The following ARHGAP31 variants were observed in gnomAD, a reference collection of about 807,000 sequenced individuals.
ARHGAP31 encodes rho GTPase-activating protein 31.
Under a neutral mutation model 113.9 loss-of-function variants are expected in ARHGAP31, and 34 were observed. That is an observed-to-expected ratio of 0.30 (90% confidence interval 0.23 to 0.40). The LOEUF (loss-of-function observed/expected upper bound fraction) is 0.40. Among genes scored for constraint, ARHGAP31 ranks in the 10% least tolerant of loss-of-function variants. The pLI, the probability that ARHGAP31 is intolerant of heterozygous loss-of-function variation, is 1.00. For synonymous variants in ARHGAP31, 650 were observed against 684.8 expected, an observed-to-expected ratio of 0.95 and a Z score of 0.79; for missense variants, 1,548 against 1,767.1, an observed-to-expected ratio of 0.88 and a Z score of 2.22.
chr3:119,390,947 C>T lies in ARHGAP31; in HGVS notation c.845C>T (p.Thr282Ile), dbSNP rs749949250. The T allele has an allele frequency of 8.7e-6, 14 of 1,614,174 alleles. No homozygotes were observed. Among genetic ancestry groups the T allele is most frequent in the Non-Finnish European group, 1.0e-5 (12 of 1,180,030 alleles). Residue 282 changes from threonine (T) to isoleucine (I), a missense_variant, in exon 7 of 12, where the codon ACC becomes ATC. Transcript: ENST00000264245. ...SLPEIVPPMG[T>I]LFHTVLELPD... ...CCTGAGATTGTCCCTCCCATGGGCA[C>T]CCTCTTCCACACTGTCCTTGAGTTA...
At chr3:119,333,582 T>G (rs1011011153) in intron 1 of ARHGAP31, among the ~76,000 whole-genome samples, 3 of 152,226 alleles carry the variant, frequency 2.0e-5, no homozygotes, top group Non-Finnish European at 4.4e-5. Context: ...TAGCTTAGAT[T>G]TGTGTAGCAC....
intron 1 of ARHGAP31, among the ~76,000 whole-genome samples, chr3:119,337,116 T>A (rs1312848878): frequency 1.3e-5 from 2 of 152,204 alleles, no homozygotes; most frequent in African/African-American, 4.8e-5. Flanking sequence ...GTGTCCAGAA[T>A]TGGTGAGCTC....
At chr3:119,341,015 TG>T (rs2080003257) in intron 1 of ARHGAP31, among the ~76,000 whole-genome samples, 2 of 152,184 alleles carry the variant, frequency 1.3e-5, no homozygotes, top group African/African-American at 4.8e-5. Flanking sequence ...GGAAACATCA[TG>T]GGATTTTTTT....
intron 1 of ARHGAP31, among the ~76,000 whole-genome samples, chr3:119,313,182 G>A (rs1373813951): frequency 1.3e-5 from 2 of 152,148 alleles, no homozygotes; most frequent in African/African-American, 4.8e-5. Flanking sequence ...ACTCTAAAGA[G>A]TATAGTAAAA....
chr3:119,338,688 G>A (rs1213585067), intron 1 of ARHGAP31, among the ~76,000 whole-genome samples: 1 of 152,116 alleles, frequency 6.6e-6, no homozygotes, highest in Non-Finnish European at 1.5e-5. Flanking sequence ...TTCAAGTTAA[G>A]CTTGGAAAGA....
intron 3 of ARHGAP31, among the ~76,000 whole-genome samples, chr3:119,370,599 C>T (rs1453096558): frequency 6.6e-6 from 1 of 152,162 alleles, no homozygotes; most frequent in Non-Finnish European, 1.5e-5. Flanking sequence ...CACACACTCA[C>T]ACACACTCAC....
chr3:119,381,268 C>T (rs1026706541), intron 4 of ARHGAP31, among the ~76,000 whole-genome samples: 2 of 152,160 alleles, frequency 1.3e-5, no homozygotes, highest in Non-Finnish European at 2.9e-5. Flanking sequence ...CTCTTGGTGG[C>T]ATTCTTGGTT....
chr3:119,368,546 T>G lies in ARHGAP31; in HGVS notation c.348+30T>G. 1.9e-6 allele frequency: 3 copies of G among 1,613,716 alleles called. No homozygotes were observed. In the South Asian group the frequency reaches 3.3e-5, roughly 18 times the overall value. ...GTGTTTGGATTTCCATTATGGTTACTGGGTGGGATGCATGGATGGGCCAAG... is the reference window on the plus strand; with the variant it reads ...GTGTTTGGATTTCCATTATGGTTACGGGGTGGGATGCATGGATGGGCCAAG... On this transcript the variant is annotated intron_variant, in intron 3 of 11. Transcript: ENST00000264245.
chr3:119,413,808 A>C (rs757952631), intron 11 of ARHGAP31, 48 bp from the exon 12 acceptor site: 29 of 1,613,896 alleles, frequency 1.8e-5, no homozygotes, highest in Non-Finnish European at 2.5e-5. Context: ...TGATGTCAGC[A>C]CCCAGAGTAC....
Position 119,301,233 on chromosome 3 carries a change from C to T in ARHGAP31, c.100+6229C>T, listed in dbSNP as rs141385603. Among the ~76,000 whole-genome samples, 798 of 152,308 alleles carry T rather than the reference C, an allele frequency of 5.2e-3. 3 individuals carry two copies. Among genetic ancestry groups the T allele is most frequent in the Non-Finnish European group, 9.1e-3 (618 of 68,028 alleles). On this transcript the variant is annotated intron_variant, in intron 1 of 11. Transcript: ENST00000264245. ...CACCCTTTCTCCTCCCCTTTCTACC[C>T]GCACTGGCCGCCATCCAGATGCCTT...
At chr3:119,332,265 T>G (rs1390799997) in intron 1 of ARHGAP31, among the ~76,000 whole-genome samples, 3 of 152,012 alleles carry the variant, frequency 2.0e-5, no homozygotes, top group Non-Finnish European at 4.4e-5. Context: ...AATGGCATGA[T>G]CTCGGCTCAC....
chr3:119,313,027 A>G lies in ARHGAP31; in HGVS notation c.100+18023A>G, dbSNP rs545290665. ...ATATGCTATTTTCAAGTGAGAGTAGACCTTGGCCAACTACCCATTTTGTAA... is the reference window on the plus strand; with the variant it reads ...ATATGCTATTTTCAAGTGAGAGTAGGCCTTGGCCAACTACCCATTTTGTAA... On this transcript the variant is annotated intron_variant, in intron 1 of 11. Coordinates refer to ENST00000264245, the MANE Select transcript of ARHGAP31 (RefSeq NM_020754.4). Among the ~76,000 whole-genome samples, 5 of 152,298 alleles carry G rather than the reference A, an allele frequency of 3.3e-5. No homozygotes were observed. The South Asian group carries it at 8.3e-4, about 25-fold the overall frequency.
At chr3:119,316,132 T>TA (rs1233137778) in intron 1 of ARHGAP31, among the ~76,000 whole-genome samples, 1 of 152,182 alleles carries the variant, frequency 6.6e-6, no homozygotes, top group East Asian at 1.9e-4. Context: ...AACTGTGTAT[T>TA]AGTCATGTGA....
At chr3:119,383,741 C>A (rs558339907) in intron 6 of ARHGAP31, among the ~76,000 whole-genome samples, 1 of 152,120 alleles carries the variant, frequency 6.6e-6, no homozygotes, top group African/African-American at 2.4e-5. Flanking sequence ...CTTTGTTCTG[C>A]GCTATGCCAG....
chr3:119,354,449 A>G (rs993899484), intron 1 of ARHGAP31, among the ~76,000 whole-genome samples: 1 of 151,454 alleles, frequency 6.6e-6, no homozygotes, highest in Non-Finnish European at 1.5e-5. Context: ...AGTAACTACT[A>G]TTAACATTTC....
intron 1 of ARHGAP31, among the ~76,000 whole-genome samples, chr3:119,362,107 A>G (rs1040898264): frequency 6.6e-6 from 1 of 152,222 alleles, no homozygotes; most frequent in African/African-American, 2.4e-5. Flanking sequence ...GGAGGTCCCT[A>G]TCTGAGAACG....
At chr3:119,365,881 T>C (rs2080249246) in intron 2 of ARHGAP31, among the ~76,000 whole-genome samples, 1 of 152,162 alleles carries the variant, frequency 6.6e-6, no homozygotes, top group African/African-American at 2.4e-5. Context: ...TATATGATTG[T>C]GCATGTCTCT....
chr3:119,376,478 C>T (rs1476494128), intron 3 of ARHGAP31, among the ~76,000 whole-genome samples: 1 of 152,208 alleles, frequency 6.6e-6, no homozygotes, highest in African/African-American at 2.4e-5. Context: ...TTGCTCCATA[C>T]AGGCCACACT....
intron 6 of ARHGAP31, among the ~76,000 whole-genome samples, chr3:119,384,408 G>A (rs1400935688): frequency 1.3e-5 from 2 of 152,128 alleles, no homozygotes; most frequent in African/African-American, 2.4e-5. Context: ...GTCTTAGTCC[G>A]TTTTGTTCTG....
Sources: gnomAD v4.1 joint callset for allele counts (sites outside exome capture counted in the v4.1 genomes callset) on GRCh38, gnomAD v4.1.1 for gene constraint, MANE v1.5 for transcripts, NCBI Gene and HGNC (gene_info 2026-07-23, HGNC 2026-07-21) for gene names.